AGAP1: variants seen among roughly 807,000 people sequenced by gnomAD.
AGAP1 encodes the protein arf-GAP with GTPase, ANK repeat and PH domain-containing protein 1.
In AGAP1, 29 loss-of-function variants were observed where a neutral mutation model predicts 105.3. The ratio of observed to expected loss-of-function variants is 0.28; its 90% confidence interval spans 0.21 to 0.38. The LOEUF (loss-of-function observed/expected upper bound fraction) is 0.38. AGAP1 is among the 10% of genes least tolerant of loss of function. The pLI is 1.00. For synonymous variants in AGAP1, 509 were observed against 485.9 expected, an observed-to-expected ratio of 1.05 and a Z score of -0.63; for missense variants, 998 against 1,165.1, an observed-to-expected ratio of 0.86 and a Z score of 2.09.
chr2:235,598,947 C>T (rs920041025), intron 1 of AGAP1, among the ~76,000 whole-genome samples: 2 of 152,198 alleles, frequency 1.3e-5, no homozygotes, highest in African/African-American at 4.8e-5. Flanking sequence ...GGCTCAGCTG[C>T]TTTAAATATT....
chr2:236,115,483 C>G (rs2059748676), intron 16 of AGAP1, among the ~76,000 whole-genome samples: 1 of 152,170 alleles, frequency 6.6e-6, no homozygotes, highest in South Asian at 2.1e-4. Flanking sequence ...TTGGCTTTTC[C>G]CTGCCTTTGG....
At chr2:235,998,736 GATGATTAAT>G (rs758106984) in intron 13 of AGAP1, among the ~76,000 whole-genome samples, 9 of 149,086 alleles carry the variant, frequency 6.0e-5, no homozygotes, top group Admixed American at 1.3e-4. Context: ...GTGATGGTAT[GATGATTAAT>G]ATGGTACAGT....
intron 11 of AGAP1, among the ~76,000 whole-genome samples, chr2:235,926,206 A>C (rs890920123): frequency 1.3e-5 from 2 of 152,256 alleles, no homozygotes; most frequent in African/African-American, 4.8e-5. Context: ...ATCTGTATCA[A>C]AAAATGCATG....
At position 236,002,132 on chromosome 2, in the gene AGAP1, C is replaced by T. The variant is rs544130446; in HGVS notation, c.1645+33509C>T. Among the ~76,000 whole-genome samples, 6 of 152,304 alleles carry T rather than the reference C, an allele frequency of 3.9e-5. No homozygotes were observed. The South Asian group carries it at 1.2e-3, about 32-fold the overall frequency. On this transcript the variant is annotated intron_variant, in intron 13 of 17. Coordinates refer to ENST00000304032, the MANE Select transcript of AGAP1 (RefSeq NM_001037131.3). This position sits in a 1 kb window ranked among gnomAD's most constrained non-coding sequence, Gnocchi z 4.3. Reference sequence around the variant, plus strand: ...CGACATGCCAGGAAGAGCTGGCTTCCCCGCACAAGCAGTGCTACCAAGGGT... The same window carrying T: ...CGACATGCCAGGAAGAGCTGGCTTCTCCGCACAAGCAGTGCTACCAAGGGT...
At chr2:235,854,952 C>T (rs931328949) in intron 9 of AGAP1, among the ~76,000 whole-genome samples, 1 of 152,048 alleles carries the variant, frequency 6.6e-6, no homozygotes, top group Non-Finnish European at 1.5e-5. Context: ...GACTTCGTCA[C>T]GTAGACTTTG....
chr2:235,694,199 G>A (rs1949882906), intron 1 of AGAP1, among the ~76,000 whole-genome samples: 1 of 148,722 alleles, frequency 6.7e-6, no homozygotes, highest in African/African-American at 2.6e-5. Context: ...CAAAAATTTG[G>A]CCAGGCATGG....
At chr2:235,929,615 C>G (rs1242961818) in intron 11 of AGAP1, among the ~76,000 whole-genome samples, 1 of 152,164 alleles carries the variant, frequency 6.6e-6, no homozygotes, top group Non-Finnish European at 1.5e-5. Flanking sequence ...GGTTCCGTGG[C>G]TTCCCAGTGC....
intron 9 of AGAP1, 54 bp downstream of exon 9, chr2:235,807,385 T>A: frequency 6.7e-7 from 1 of 1,490,388 alleles, no homozygotes; most frequent in Non-Finnish European, 9.0e-7. Context: ...ACCTCAGGTC[T>A]TCCTGGAGAT....
Position 235,659,767 on chromosome 2 carries a change from T to C in AGAP1, c.164-49412T>C, listed in dbSNP as rs1947888763. Among the ~76,000 whole-genome samples the C allele has an allele frequency of 6.6e-6, 1 of 152,232 alleles. No homozygotes were observed. Among genetic ancestry groups the C allele is most frequent in the South Asian group, 2.1e-4 (1 of 4,834 alleles). On this transcript the variant is annotated intron_variant, in intron 1 of 17. Transcript: ENST00000304032. This position sits in a 1 kb window ranked among gnomAD's most constrained non-coding sequence, Gnocchi z 5.0. ...TTCTAAGCCCTGGATCAATAGTGTA[T>C]ATTTCTTTGTCTCTCAGTTGGGGCC...
At chr2:235,910,008 G>C (rs983925725) in intron 11 of AGAP1, among the ~76,000 whole-genome samples, 5 of 113,714 alleles carry the variant, frequency 4.4e-5, no homozygotes, top group African/African-American at 1.7e-4. Context: ...GTGACAGCGA[G>C]ACTCTATCTC....
rs1553609552 is a variant in AGAP1, at chr2:235,702,934, G to GTGTTTTTTTTTTTTTTTTTTTTTT, written c.164-6244_164-6243insGTTTTTTTTTTTTTTTTTTTTTTT. ...TGGTCACTGTGAGCCAGTTTTCTTG[G>GTGTTTTTTTTTTTTTTTTTTTTTT]TTTTTTTTTTTTGGACAGAGTCTGG... On this transcript the variant is annotated intron_variant, in intron 1 of 17. Coordinates refer to ENST00000304032, the MANE Select transcript of AGAP1 (RefSeq NM_001037131.3). Among the ~76,000 whole-genome samples the GTGTTTTTTTTTTTTTTTTTTTTTT allele has an allele frequency of 4.8e-3, 427 of 88,906 alleles. 19 individuals carry two copies. Among genetic ancestry groups the GTGTTTTTTTTTTTTTTTTTTTTTT allele is most frequent in the South Asian group, 0.017 (25 of 1,494 alleles). The allele number at this position is 88,906 out of a possible 152,430, so 58.3% of individuals were successfully genotyped here. A position where few individuals can be genotyped will look rare whatever the true frequency, so the allele number is the denominator to read the frequency against.
intron 6 of AGAP1, among the ~76,000 whole-genome samples, chr2:235,757,460 T>C (rs901617405): frequency 6.6e-5 from 10 of 152,234 alleles, no homozygotes; most frequent in African/African-American, 2.4e-4. Context: ...ACACGCTGTG[T>C]ACATCGTCCT....
intron 1 of AGAP1, among the ~76,000 whole-genome samples, chr2:235,704,089 G>A (rs1431150402): frequency 1.3e-5 from 2 of 152,214 alleles, no homozygotes; most frequent in Non-Finnish European, 2.9e-5. Flanking sequence ...TTCCCTCTGC[G>A]TCCTCTTGAT....
At chr2:235,984,841 C>T (rs919204856) in intron 13 of AGAP1, among the ~76,000 whole-genome samples, 2 of 152,036 alleles carry the variant, frequency 1.3e-5, no homozygotes, top group Non-Finnish European at 2.9e-5. Flanking sequence ...TTTTATTTAT[C>T]TAGTCTGTCA....
At chr2:235,774,635 TAG>T (rs1955720417) in intron 6 of AGAP1, among the ~76,000 whole-genome samples, 1 of 152,226 alleles carries the variant, frequency 6.6e-6, no homozygotes, top group Non-Finnish European at 1.5e-5. Flanking sequence ...AAATAGTCGT[TAG>T]GCTGCTCGCA....
At chr2:236,037,061 C>A (rs918807685) in intron 14 of AGAP1, among the ~76,000 whole-genome samples, 1 of 152,140 alleles carries the variant, frequency 6.6e-6, no homozygotes, top group Admixed American at 6.5e-5. Context: ...GAGAGACGGA[C>A]TTAAAAGATG....
intron 13 of AGAP1, among the ~76,000 whole-genome samples, chr2:236,022,908 C>G (rs1199155965): frequency 6.6e-6 from 1 of 152,172 alleles, no homozygotes. Context: ...AACTGACTTT[C>G]TAATACTGTG....
chr2:235,639,699 G>A lies in AGAP1; in HGVS notation c.164-69480G>A, dbSNP rs2149303367. 6.6e-6 allele frequency among the ~76,000 whole-genome samples: 1 copy of A among 152,266 alleles called. No homozygotes were observed. Among genetic ancestry groups the A allele is most frequent in the African/African-American group, 2.4e-5 (1 of 41,556 alleles). On this transcript the variant is annotated intron_variant, in intron 1 of 17. Transcript: ENST00000304032. The surrounding 1 kb of genome is among the most constrained non-coding windows in gnomAD (Gnocchi z 5.3). ...GGACTCTCCTTCACTCTTAGATAGT[G>A]GCAGCGCTTGCCTCGCTGCATCTCG...
In AGAP1 at chr2:236,058,417, C is replaced by T. The variant is rs1055338000; in HGVS notation, c.2114+9136C>T. 2.6e-5 allele frequency among the ~76,000 whole-genome samples: 4 copies of T among 152,030 alleles called. No homozygotes were observed. Among genetic ancestry groups the T allele is most frequent in the Non-Finnish European group, 4.4e-5 (3 of 68,020 alleles). On this transcript the variant is annotated intron_variant, in intron 16 of 17. Transcript: ENST00000304032. The surrounding 1 kb of genome is among the most constrained non-coding windows in gnomAD (Gnocchi z 4.6). ...GAATGCAAGGAAGGCAAGGTTGGTT[C>T]GACACGCAAAAATCAATCAATGTGA...
Sources: gnomAD v4.1 joint callset for allele counts (sites outside exome capture counted in the v4.1 genomes callset) on GRCh38, gnomAD v4.1.1 for gene constraint, Gnocchi (gnomAD v3.1) non-coding constraint, MANE v1.5 for transcripts, NCBI Gene and HGNC (gene_info 2026-07-23, HGNC 2026-07-21) for gene names.